Variants in SNTG1 observed in about 807,000 individuals in gnomAD.
The protein encoded by SNTG1 is gamma-1-syntrophin.
A neutral mutation model predicts 74.7 loss-of-function variants in SNTG1; 39 were observed. The observed-to-expected ratio is 0.52, with a 90% CI of 0.40 to 0.68. The LOEUF (loss-of-function observed/expected upper bound fraction) is 0.68. SNTG1 is among the 30% of genes least tolerant of loss of function. The pLI is 0.00. For synonymous variants in SNTG1, 254 were observed against 217.1 expected (o/e 1.17, Z -1.49); for missense variants, 685 against 609.5 (o/e 1.12, Z -1.30).
chr8:50,102,495 C>A (rs1205431644), intron 1 of SNTG1, among the ~76,000 whole-genome samples: 3 of 143,684 alleles, frequency 2.1e-5, no homozygotes, highest in Non-Finnish European at 3.1e-5. Flanking sequence ...AAAATTTTCT[C>A]CCATTTTGTA....
At chr8:50,656,321 G>C (rs1345760390) in intron 13 of SNTG1, among the ~76,000 whole-genome samples, 1 of 152,162 alleles carries the variant, frequency 6.6e-6, no homozygotes, top group Non-Finnish European at 1.5e-5. Context: ...TTAAGCACTA[G>C]AGGCTAAAGA....
At chr8:50,117,605 C>T (rs992930927) in intron 1 of SNTG1, among the ~76,000 whole-genome samples, 11 of 152,086 alleles carry the variant, frequency 7.2e-5, no homozygotes, top group African/African-American at 2.7e-4. Flanking sequence ...TGTTTTCGCT[C>T]CATTGCTGTC....
rs10578135 is a variant in SNTG1 at position 50,660,426 on chromosome 8, GAAGAAAGA to G, written c.1038+1772_1038+1779del. Among the ~76,000 whole-genome samples the G allele has an allele frequency of 1.2e-3, 91 of 72,846 alleles. 1 individual carries two copies. Among genetic ancestry groups the G allele is most frequent in the African/African-American group, 2.9e-3 (84 of 29,104 alleles). 47.8% of individuals were successfully genotyped at this position (72,846 alleles called of 152,430 possible). A position where few individuals can be genotyped will look rare whatever the true frequency, so the allele number is the denominator to read the frequency against. On this transcript the variant is annotated intron_variant, in intron 15 of 18. Coordinates refer to ENST00000642720, the MANE Select transcript of SNTG1 (RefSeq NM_018967.5). ...GAAAGAAAGAAAAGAAAGAAAGAAA[GAAGAAAGA>G]AAGAAAGAGAAAAAAGAAAGGGAGG... is the stretch of plus-strand genomic sequence containing the variant.
At chr8:50,186,158 T>C (rs1040505920) in intron 2 of SNTG1, among the ~76,000 whole-genome samples, 1 of 152,130 alleles carries the variant, frequency 6.6e-6, no homozygotes, top group Non-Finnish European at 1.5e-5. Flanking sequence ...TCTTGAACCA[T>C]GTCCCTGCAA....
At chr8:50,143,024 A>G (rs1468760552) in intron 1 of SNTG1, among the ~76,000 whole-genome samples, 2 of 152,110 alleles carry the variant, frequency 1.3e-5, no homozygotes, top group Non-Finnish European at 2.9e-5. Context: ...CAATAAGTCG[A>G]GATCACTCCA....
chr8:50,185,295 G>T (rs999291324), intron 2 of SNTG1, among the ~76,000 whole-genome samples: 2 of 152,134 alleles, frequency 1.3e-5, no homozygotes, highest in Non-Finnish European at 2.9e-5. Context: ...CTTTCCTGTT[G>T]CCCTGTGAAG....
chr8:50,724,677 CATGTTCACCA>C (rs1296843181), intron 17 of SNTG1, among the ~76,000 whole-genome samples: 4 of 152,068 alleles, frequency 2.6e-5, no homozygotes, highest in African/African-American at 9.7e-5. Flanking sequence ...TTATGAATGG[CATGTTCACCA>C]AAATCAATTC....
At chr8:50,646,698 G>C (rs959142627) in intron 13 of SNTG1, among the ~76,000 whole-genome samples, 1 of 152,032 alleles carries the variant, frequency 6.6e-6, no homozygotes, top group Non-Finnish European at 1.5e-5. Context: ...TTATGATGTA[G>C]ATATATATTA....
At chr8:50,521,255 C>G (rs989865249) in intron 9 of SNTG1, among the ~76,000 whole-genome samples, 1 of 152,028 alleles carries the variant, frequency 6.6e-6, no homozygotes, top group African/African-American at 2.4e-5. Context: ...ACATCACACA[C>G]CAAGGCCTGA....
chr8:50,634,380 G>A (rs2095025122), intron 13 of SNTG1, among the ~76,000 whole-genome samples: 1 of 152,016 alleles, frequency 6.6e-6, no homozygotes, highest in African/African-American at 2.4e-5. Context: ...CTGAGACTTG[G>A]GTCCTGTCTT....
chr8:50,339,293 A>G (rs1490390567), intron 2 of SNTG1, among the ~76,000 whole-genome samples: 1 of 152,090 alleles, frequency 6.6e-6, no homozygotes, highest in Non-Finnish European at 1.5e-5. Context: ...TGCTAGAGCT[A>G]TAAAAGAAAT....
chr8:50,404,582 T>G (rs1390395325), intron 4 of SNTG1, among the ~76,000 whole-genome samples: 1 of 152,022 alleles, frequency 6.6e-6, no homozygotes, highest in South Asian at 2.1e-4. Flanking sequence ...AGTGGAACAT[T>G]CTAAAGAGTC....
At chr8:50,629,263 AT>A (rs2094979079) in intron 13 of SNTG1, among the ~76,000 whole-genome samples, 1 of 151,966 alleles carries the variant, frequency 6.6e-6, no homozygotes, top group Non-Finnish European at 1.5e-5. Flanking sequence ...ACAATTTTTT[AT>A]CACTATTAGA....
chr8:50,569,997 TA>T (rs1250147256), intron 12 of SNTG1, among the ~76,000 whole-genome samples: 1 of 152,108 alleles, frequency 6.6e-6, no homozygotes. Flanking sequence ...ACATTTTACA[TA>T]ATTAGAGTTT....
chr8:50,637,437 G>T (rs750741082), intron 13 of SNTG1, among the ~76,000 whole-genome samples: 4 of 151,964 alleles, frequency 2.6e-5, no homozygotes, highest in Non-Finnish European at 5.9e-5. Context: ...GTTCTAGTAT[G>T]CCCAAAGTGA....
chr8:50,324,933 T>G (rs2090676299), intron 2 of SNTG1, among the ~76,000 whole-genome samples: 2 of 67,398 alleles, frequency 3.0e-5, no homozygotes, highest in South Asian at 7.6e-4. Context: ...TGTGTGCATT[T>G]TATACATATA....
At chr8:50,548,373 T>C (rs2094402696) in intron 11 of SNTG1, among the ~76,000 whole-genome samples, 1 of 151,790 alleles carries the variant, frequency 6.6e-6, no homozygotes, top group African/African-American at 2.4e-5. Flanking sequence ...AATAATAAGG[T>C]AATTTGGTGG....
chr8:50,117,682 A>G (rs2080868795), intron 1 of SNTG1, among the ~76,000 whole-genome samples: 1 of 152,158 alleles, frequency 6.6e-6, no homozygotes, highest in Non-Finnish European at 1.5e-5. Context: ...ACTATATTTC[A>G]GTGAGTAGCG....
At chr8:49,996,844 A>C (rs1463193891) in intron 1 of SNTG1, among the ~76,000 whole-genome samples, 1 of 7,586 alleles carries the variant, frequency 1.3e-4, no homozygotes, top group Non-Finnish European at 3.3e-4. Flanking sequence ...AGAAGCTCAT[A>C]ATTACATAGT....
Sources: allele counts gnomAD v4.1 joint callset (sites outside exome capture counted in the v4.1 genomes callset), GRCh38; gene constraint gnomAD v4.1.1; transcripts MANE v1.5; gene names NCBI Gene and HGNC (gene_info 2026-07-23, HGNC 2026-07-21).